The following GRID1 variants were observed in gnomAD, a reference collection of about 807,000 sequenced individuals.
The protein encoded by GRID1 is glutamate receptor ionotropic, delta-1.
A neutral mutation model predicts 98.0 loss-of-function variants in GRID1; 28 were observed. That is an observed-to-expected ratio of 0.29 (90% CI 0.21 to 0.39). The LOEUF is 0.39. Among genes scored for constraint, GRID1 ranks in the 10% least tolerant of loss-of-function variants. GRID1 has a pLI of 1.00. For synonymous variants in GRID1, 553 were observed against 538.5 expected, an observed-to-expected ratio of 1.03 and a Z score of -0.37; for missense variants, 1,111 against 1,340.5, an observed-to-expected ratio of 0.83 and a Z score of 2.67.
intron 8 of GRID1, among the ~76,000 whole-genome samples, chr10:85,809,523 A>G (rs1842652067): frequency 6.6e-6 from 1 of 152,230 alleles, no homozygotes. Flanking sequence ...AGGAGCAGCA[A>G]TAGGATGGAT....
chr10:85,963,821 A>C (rs566391524), intron 4 of GRID1, among the ~76,000 whole-genome samples: 4 of 152,360 alleles, frequency 2.6e-5, no homozygotes, highest in African/African-American at 7.2e-5. Flanking sequence ...AACAAGCCCT[A>C]TATCTTATTT....
intron 8 of GRID1, among the ~76,000 whole-genome samples, chr10:85,781,815 A>G (rs575821870): frequency 6.6e-6 from 1 of 151,778 alleles, no homozygotes; most frequent in South Asian, 2.1e-4. Flanking sequence ...GAAAAAAAAA[A>G]AAACCAAAAA....
intron 4 of GRID1, among the ~76,000 whole-genome samples, chr10:85,941,869 T>G (rs974644544): frequency 6.6e-6 from 1 of 152,182 alleles, no homozygotes; most frequent in Non-Finnish European, 1.5e-5. Context: ...ATAAGAATGC[T>G]CCCAGACAAA....
At chr10:85,651,878 A>G (rs1843275812) in intron 12 of GRID1, among the ~76,000 whole-genome samples, 2 of 152,170 alleles carry the variant, frequency 1.3e-5, no homozygotes, top group African/African-American at 4.8e-5. Flanking sequence ...CTCCCCTGAC[A>G]AAGCCTACCC....
chr10:86,291,981 G>A (rs1181234886), intron 2 of GRID1, among the ~76,000 whole-genome samples: 1 of 152,164 alleles, frequency 6.6e-6, no homozygotes, highest in African/African-American at 2.4e-5. Flanking sequence ...CTCAAGCCAG[G>A]GCCTATTCCT....
chr10:85,743,960 T>C (rs867715640), intron 8 of GRID1, among the ~76,000 whole-genome samples: 3 of 152,140 alleles, frequency 2.0e-5, no homozygotes, highest in African/African-American at 7.2e-5. Context: ...AAATAAAGTA[T>C]ATAGAAGATA....
chr10:85,652,665 A>G (rs2132559122), intron 12 of GRID1, among the ~76,000 whole-genome samples: 1 of 152,252 alleles, frequency 6.6e-6, no homozygotes, highest in East Asian at 1.9e-4. Flanking sequence ...AGCAATCTGG[A>G]GTGCCTGGAT....
At chr10:86,330,746 G>A (rs559172471) in intron 2 of GRID1, among the ~76,000 whole-genome samples, 97 of 152,354 alleles carry the variant, frequency 6.4e-4, no homozygotes, top group African/African-American at 2.1e-3. Flanking sequence ...GCCAGATGCC[G>A]AGGGAAGTAG....
chr10:86,304,776 G>A (rs1847736429), intron 2 of GRID1, among the ~76,000 whole-genome samples: 1 of 152,234 alleles, frequency 6.6e-6, no homozygotes, highest in Admixed American at 6.5e-5. Flanking sequence ...GTCTTTGTCA[G>A]AGAAGCAGGG....
chr10:86,114,601 C>A (rs1470556941), intron 4 of GRID1, among the ~76,000 whole-genome samples: 1 of 152,170 alleles, frequency 6.6e-6, no homozygotes, highest in Non-Finnish European at 1.5e-5. Flanking sequence ...AGGCAGCTCC[C>A]CTCAGACTGC....
chr10:85,657,390 G>A (rs1029563564), intron 12 of GRID1, among the ~76,000 whole-genome samples: 5 of 152,282 alleles, frequency 3.3e-5, no homozygotes, highest in East Asian at 3.9e-4. Flanking sequence ...CCTGGATGCA[G>A]GACTTTCAGT....
At chr10:86,244,583 C>T (rs1319546348) in intron 2 of GRID1, among the ~76,000 whole-genome samples, 1 of 152,232 alleles carries the variant, frequency 6.6e-6, no homozygotes, top group African/African-American at 2.4e-5. Context: ...GTTAATCATC[C>T]CTGGCAGCAG....
At chr10:85,627,726 G>A (rs2132531047) in intron 13 of GRID1, among the ~76,000 whole-genome samples, 1 of 152,318 alleles carries the variant, frequency 6.6e-6, no homozygotes, top group East Asian at 1.9e-4. Flanking sequence ...TGACCCTACT[G>A]TCTCAGGGGC....
At chr10:86,341,702 G>A (rs1427869858) in intron 2 of GRID1, among the ~76,000 whole-genome samples, 2 of 152,108 alleles carry the variant, frequency 1.3e-5, no homozygotes, top group African/African-American at 4.8e-5. Flanking sequence ...TTGGTGCCTC[G>A]GGCAGTGGGG....
intron 8 of GRID1, among the ~76,000 whole-genome samples, chr10:85,737,302 G>A (rs541700131): frequency 2.0e-5 from 3 of 152,168 alleles, no homozygotes; most frequent in Non-Finnish European, 4.4e-5. Context: ...ATCATATACA[G>A]GGGCTTTTGA....
chr10:85,722,934 G>A (rs1217304623), intron 12 of GRID1, 69 bp downstream of exon 12: 5 of 1,413,804 alleles, frequency 3.5e-6, no homozygotes, highest in Non-Finnish European at 4.8e-6. Flanking sequence ...ACACTGCCCT[G>A]GAAAGGTTTA....
Position 85,647,208 on chromosome 10 carries a change from G to C in GRID1, c.2187C>G (p.Ile729Met). 6.2e-7 allele frequency: 1 copy of C among 1,613,920 alleles called. No individual in the cohort carries two copies. ...AGCGCCAGCTCCTGCCTACCTTCCT[G>C]ATGCCTTCTGAAGGACTGGACACGC... Reference protein sequence around the residue: ...DNCVSSPSEGIRKAKKGNYAF... With the variant: ...DNCVSSPSEGMRKAKKGNYAF... The change falls in exon 13 of 16, where the codon ATC becomes ATG. Residue 729 changes from isoleucine to methionine, a missense_variant. Ile to Met is a conservative substitution (Grantham distance 10, BLOSUM62 1). Around this residue, in one of 3 missense-constraint regions of GRID1, gnomAD observed 762 missense variants for 869.1 expected, o/e 0.88. Transcript: ENST00000327946.
At chr10:86,018,878 C>T (rs934396228) in intron 4 of GRID1, among the ~76,000 whole-genome samples, 1 of 152,174 alleles carries the variant, frequency 6.6e-6, no homozygotes, top group Non-Finnish European at 1.5e-5. Flanking sequence ...CATGATGCAA[C>T]CAAATATTTT....
At chr10:85,985,175 A>G (rs1842594135) in intron 4 of GRID1, among the ~76,000 whole-genome samples, 1 of 152,190 alleles carries the variant, frequency 6.6e-6, no homozygotes, top group Non-Finnish European at 1.5e-5. Flanking sequence ...GGCATACACC[A>G]TTTAATCTTC....
Sources: allele counts gnomAD v4.1 joint callset (sites outside exome capture counted in the v4.1 genomes callset), GRCh38; gene constraint gnomAD v4.1.1; regional missense constraint gnomAD v4.1.1; transcripts MANE v1.5; gene names NCBI Gene and HGNC (gene_info 2026-07-23, HGNC 2026-07-21).